The following NELL1 variants were observed in gnomAD, a reference collection of about 807,000 sequenced individuals.
The protein encoded by NELL1 is neural EGFL like 1.
NELL1 carries 76 observed loss-of-function variants against 107.4 expected under a neutral mutation model. The ratio of observed to expected loss-of-function variants is 0.71; its 90% CI spans 0.59 to 0.86. The LOEUF (loss-of-function observed/expected upper bound fraction) is 0.86. NELL1 is among the 40% of genes least tolerant of loss of function. NELL1 has a pLI of 0.00. For synonymous variants in NELL1, 353 were observed against 341.2 expected (o/e 1.03, Z -0.38); for missense variants, 1,024 against 1,005.5 (o/e 1.02, Z -0.25).
At chr11:21,324,096 A>G (rs979417889) in intron 14 of NELL1, among the ~76,000 whole-genome samples, 2 of 151,970 alleles carry the variant, frequency 1.3e-5, no homozygotes, top group Non-Finnish European at 2.9e-5. Context: ...GTAATAAACT[A>G]CCCATGTGCC....
chr11:21,405,789 C>G (rs1345059093), intron 15 of NELL1, among the ~76,000 whole-genome samples: 1 of 151,948 alleles, frequency 6.6e-6, no homozygotes, highest in Non-Finnish European at 1.5e-5. Flanking sequence ...ATTCCTTCTA[C>G]TAAAAATGGC....
chr11:21,279,918 C>T (rs781260451), intron 14 of NELL1, among the ~76,000 whole-genome samples: 24 of 152,080 alleles, frequency 1.6e-4, no homozygotes, highest in African/African-American at 4.8e-4. Context: ...TGAAAAGAAA[C>T]GGAGGAAACG....
At chr11:20,969,146 T>G (rs1851443996) in intron 12 of NELL1, among the ~76,000 whole-genome samples, 1 of 152,204 alleles carries the variant, frequency 6.6e-6, no homozygotes, top group African/African-American at 2.4e-5. Context: ...AGATAGGATT[T>G]GACTACTTAA....
In NELL1 at chr11:20,947,337, G is replaced by C. The variant is rs1381199402; in HGVS notation, c.1073G>C (p.Gly358Ala). The change falls in exon 11 of 20, where the codon GGT becomes GCT. Residue 358 changes from glycine (G) to alanine (A), a missense_variant and splice_region_variant. Coordinates refer to ENST00000357134, the MANE Select transcript of NELL1 (RefSeq NM_006157.5). ...ILTKSCRECR[G>A]GVLVKITEMC... ...CTTTCCCTAATATTTGGCTTCCAGGGTGGAGTTTTAGTAAAAATTACAGAA... is the reference window on the plus strand; with the variant it reads ...CTTTCCCTAATATTTGGCTTCCAGGCTGGAGTTTTAGTAAAAATTACAGAA... 1.9e-6 allele frequency: 3 copies of C among 1,611,648 alleles called. No individual in the cohort carries two copies. Among genetic ancestry groups the C allele is most frequent in the African/African-American group, 1.3e-5 (1 of 74,818 alleles).
At chr11:21,175,755 T>C (rs1177350065) in intron 13 of NELL1, among the ~76,000 whole-genome samples, 1 of 151,866 alleles carries the variant, frequency 6.6e-6, no homozygotes, top group Non-Finnish European at 1.5e-5. Context: ...AAAACAACGA[T>C]GTTTTGTCTT....
intron 13 of NELL1, among the ~76,000 whole-genome samples, chr11:21,209,342 T>C (rs1397427547): frequency 1.3e-5 from 2 of 148,578 alleles, no homozygotes; most frequent in Non-Finnish European, 3.0e-5. Flanking sequence ...TATATATATA[T>C]ATATATAAAA....
intron 11 of NELL1, among the ~76,000 whole-genome samples, chr11:20,949,565 T>G (rs1290070080): frequency 6.6e-6 from 1 of 152,196 alleles, no homozygotes; most frequent in African/African-American, 2.4e-5. Context: ...CCTTTCTGAT[T>G]TATGGTTTCA....
chr11:21,397,840 A>G (rs1852014559), intron 15 of NELL1, among the ~76,000 whole-genome samples: 3 of 151,428 alleles, frequency 2.0e-5, no homozygotes, highest in Admixed American at 2.0e-4. Flanking sequence ...AACTGCCCTT[A>G]TATTAGAGGC....
intron 15 of NELL1, among the ~76,000 whole-genome samples, chr11:21,457,967 A>AATG (rs1853791684): frequency 1.3e-5 from 2 of 152,158 alleles, no homozygotes; most frequent in Admixed American, 1.3e-4. Flanking sequence ...CAGAGGTGAC[A>AATG]TTTGATAAGT....
chr11:21,362,400 G>A (rs1462704296), intron 14 of NELL1, among the ~76,000 whole-genome samples: 1 of 152,176 alleles, frequency 6.6e-6, no homozygotes, highest in East Asian at 1.9e-4. Flanking sequence ...GATGTGACAG[G>A]GAAGTGAAGT....
rs144954761 is a variant in NELL1 at position 21,166,456 on chromosome 11, G to A, written c.1426+52742G>A. ...AAAAGTTAAAAATGACTAAAACAGC[G>A]TAATTGGATTGTTTGAAACACAAAG... On this transcript the variant is annotated intron_variant, in intron 13 of 19. Coordinates refer to ENST00000357134, the MANE Select transcript of NELL1 (RefSeq NM_006157.5). Among the ~76,000 whole-genome samples, 312 of 151,806 alleles carry A rather than the reference G, an allele frequency of 2.1e-3. 5 individuals carry two copies. Among genetic ancestry groups the A allele is most frequent in the African/African-American group, 6.2e-3 (256 of 41,172 alleles).
intron 15 of NELL1, among the ~76,000 whole-genome samples, chr11:21,473,870 A>G (rs140290793): frequency 4.6e-5 from 7 of 152,216 alleles, no homozygotes; most frequent in African/African-American, 1.7e-4. Flanking sequence ...TAAAATTTCC[A>G]CAAGTCTTTA....
chr11:21,398,259 C>T (rs1852023546), intron 15 of NELL1, among the ~76,000 whole-genome samples: 1 of 151,660 alleles, frequency 6.6e-6, no homozygotes, highest in African/African-American at 2.4e-5. Flanking sequence ...TAGTTCCAAG[C>T]ATCATTCTCT....
intron 14 of NELL1, among the ~76,000 whole-genome samples, chr11:21,241,568 G>A (rs892271702): frequency 1.3e-5 from 2 of 152,046 alleles, no homozygotes; most frequent in Non-Finnish European, 2.9e-5. Flanking sequence ...GGCAACAAAG[G>A]ATAAATTTAA....
chr11:20,828,818 T>C (rs1857940646), intron 3 of NELL1, among the ~76,000 whole-genome samples: 1 of 152,212 alleles, frequency 6.6e-6, no homozygotes, highest in African/African-American at 2.4e-5. Context: ...AAGGTGGATT[T>C]CACAATTCTA....
intron 13 of NELL1, among the ~76,000 whole-genome samples, chr11:21,124,690 C>T (rs983267728): frequency 1.3e-5 from 2 of 151,972 alleles, no homozygotes; most frequent in East Asian, 3.9e-4. Flanking sequence ...CAACCTCCAC[C>T]TTCCGGGTTC....
At chr11:21,273,969 C>T (rs1234566231) in intron 14 of NELL1, among the ~76,000 whole-genome samples, 2 of 152,116 alleles carry the variant, frequency 1.3e-5, no homozygotes, top group Admixed American at 6.6e-5. Context: ...TAAAGACTAT[C>T]GAGGCTAGGA....
At chr11:21,570,678 C>G in intron 17 of NELL1, 86 bp from the exon 18 acceptor site, 2 of 1,381,384 alleles carry the variant, frequency 1.4e-6, no homozygotes, top group Non-Finnish European at 2.0e-6. Context: ...AGGGGGTGAC[C>G]AAACATCCAA....
intron 2 of NELL1, among the ~76,000 whole-genome samples, chr11:20,698,759 G>A (rs1590214109): frequency 6.6e-6 from 1 of 152,096 alleles, no homozygotes; most frequent in East Asian, 1.9e-4. Context: ...AGTGTACACT[G>A]TACCTAATGT....
Sources: gnomAD v4.1 joint callset for allele counts (sites outside exome capture counted in the v4.1 genomes callset) on GRCh38, gnomAD v4.1.1 for gene constraint, MANE v1.5 for transcripts, NCBI Gene and HGNC (gene_info 2026-07-23, HGNC 2026-07-21) for gene names.